Variants in NAAA observed in about 807,000 individuals in gnomAD.
NAAA encodes N-acylethanolamine-hydrolyzing acid amidase.
A neutral mutation model predicts 44.8 loss-of-function variants in NAAA; 39 were observed. The ratio of observed to expected loss-of-function variants is 0.87; its 90% confidence interval spans 0.67 to 1.14. The LOEUF is 1.14. NAAA is among the 50% of genes most tolerant of loss of function. The probability of loss-of-function intolerance (pLI) is 0.00; values close to 1 mark genes in which losing one functional copy is unlikely to be tolerated. For synonymous variants in NAAA, 178 were observed against 191.3 expected, an observed-to-expected ratio of 0.93 and a Z score of 0.58; for missense variants, 460 against 467.8, an observed-to-expected ratio of 0.98 and a Z score of 0.15.
At chr4:75,912,208 TCATGG>T (rs1383290939), downstream of NAAA, among the ~76,000 whole-genome samples, 1 of 152,220 alleles carries the variant, frequency 6.6e-6, no homozygotes, top group Admixed American at 6.5e-5. Context: ...TTTCCGAAGA[TCATGG>T]CATATTTTCA....
chr4:75,921,228 T>A, intron 5 of NAAA, 105 bp from the exon 6 acceptor site: 1 of 1,062,182 alleles, frequency 9.4e-7, no homozygotes, highest in African/African-American at 1.6e-5. Context: ...TGTTATGTCA[T>A]GACTATCACC....
intron 2 of NAAA, chr4:75,939,713 C>G (rs1366181700): frequency 1.9e-5 from 7 of 371,680 alleles, no homozygotes; most frequent in Non-Finnish European, 3.1e-5. Context: ...ACGCGCCCGG[C>G]CTTTGAGCAG....
At chr4:75,921,518 A>G (rs1249067657) in intron 5 of NAAA, among the ~76,000 whole-genome samples, 4 of 152,214 alleles carry the variant, frequency 2.6e-5, no homozygotes, top group Non-Finnish European at 5.9e-5. Context: ...AGAGCAGTGA[A>G]TGAGTCGCCT....
intron 4 of NAAA, among the ~76,000 whole-genome samples, chr4:75,926,371 G>A (rs12646951): frequency 1.3e-5 from 2 of 151,818 alleles, no homozygotes; most frequent in Non-Finnish European, 2.9e-5. Flanking sequence ...CACTAGCCTC[G>A]CCAACATGGT....
chr4:75,925,944 A>G, intron 4 of NAAA, 133 bp from the exon 5 acceptor site: 1 of 785,014 alleles, frequency 1.3e-6, no homozygotes, highest in South Asian at 1.7e-5. Context: ...TTGTACCAGG[A>G]TACAATGATA....
rs529560654 is a variant in NAAA, at chr4:75,923,188, G to A, written c.667-2065C>T. ...CTCCTGAGTGTCTGGGACTGCAGGC[G>A]AGCACCATCACACCCAGCAGATTCG... On this transcript the variant is annotated intron_variant, in intron 5 of 10. Coordinates refer to ENST00000286733, the MANE Select transcript of NAAA (RefSeq NM_014435.4). 1.4e-4 allele frequency among the ~76,000 whole-genome samples: 21 copies of A among 152,188 alleles called. No homozygotes were observed. In the East Asian group the frequency reaches 2.9e-3, roughly 21 times the overall value.
intron 9 of NAAA, 57 bp from the exon 10 acceptor site, chr4:75,915,042 G>A: frequency 7.7e-7 from 1 of 1,295,856 alleles, no homozygotes. Context: ...TGCCAGAAAG[G>A]GAAGAAAATG....
intron 2 of NAAA, among the ~76,000 whole-genome samples, chr4:75,937,170 C>T (rs1727803374): frequency 6.6e-6 from 1 of 152,136 alleles, no homozygotes; most frequent in Non-Finnish European, 1.5e-5. Context: ...CCTGTAATCC[C>T]AGCACTTTGG....
At chr4:75,923,348 A>T (rs537139178) in intron 5 of NAAA, among the ~76,000 whole-genome samples, 1 of 152,334 alleles carries the variant, frequency 6.6e-6, no homozygotes, top group East Asian at 1.9e-4. Context: ...GTCCTTGGCA[A>T]GGCTTCCTTT....
rs1288297212 is a variant in NAAA, at chr4:75,931,782, A to T, written c.499-478T>A. On this transcript the variant is annotated intron_variant, in intron 3 of 10. Transcript: ENST00000286733. ...ACTATTTAATGTGTTAAGAAAAAGT[A>T]TAACATTGAAATGGCTGTTTTCAAC... Among the ~76,000 whole-genome samples the T allele has an allele frequency of 2.6e-5, 4 of 152,260 alleles. No individual in the cohort carries two copies. The East Asian group carries it at 7.7e-4, about 29-fold the overall frequency.
chr4:75,925,921 A>C lies in NAAA; in HGVS notation c.590-110T>G. 4 of 1,016,346 alleles carry C rather than the reference A, an allele frequency of 3.9e-6. No individual in the cohort carries two copies. In the South Asian group the frequency reaches 5.7e-5, roughly 14 times the overall value. The allele number at this position is 1,016,346 out of a possible 1,614,324, so 63.0% of individuals were successfully genotyped here. A position where few individuals can be genotyped will look rare whatever the true frequency, so the allele number is the denominator to read the frequency against. ...TAGAGAGATATTCACTCAAGTTTTG[A>C]AAGCAGAATCTTTTGTACCAGGATA... On this transcript the variant is annotated intron_variant, in intron 4 of 10. Coordinates refer to ENST00000286733, the MANE Select transcript of NAAA (RefSeq NM_014435.4).
chr4:75,921,160 C>T, intron 5 of NAAA, 37 bp from the exon 6 acceptor site: 1 of 1,538,314 alleles, frequency 6.5e-7, no homozygotes, highest in Non-Finnish European at 8.7e-7. Flanking sequence ...GCAACCCCAC[C>T]TGCAGTTGGG....
Position 75,931,273 on chromosome 4 carries a change from T to C in NAAA, c.530A>G (p.Tyr177Cys). 6.2e-7 allele frequency: 1 copy of C among 1,612,174 alleles called. No individual in the cohort carries two copies. Among genetic ancestry groups the C allele is most frequent in the Non-Finnish European group, 8.5e-7 (1 of 1,178,442 alleles). The change falls in exon 4 of 11, where the codon TAT becomes TGT. Residue 177 changes from tyrosine (Y) to cysteine (C), a missense_variant. Physicochemically the swap from Tyr to Cys is radical, Grantham distance 194 (BLOSUM62 -2). Coordinates refer to ENST00000286733, the MANE Select transcript of NAAA (RefSeq NM_014435.4). ...IAFTGTTFIGYVGLWTGQSPH... is the reference protein window; with the variant it reads ...IAFTGTTFIGCVGLWTGQSPH... ...GCTCTGGCCAGTCCATAATCCTACATAGCCAATAAAAGTAGTTCCTGTGAA... is the reference window on the plus strand; with the variant it reads ...GCTCTGGCCAGTCCATAATCCTACACAGCCAATAAAAGTAGTTCCTGTGAA...
At chr4:75,915,919 T>C (rs1489591065) in intron 9 of NAAA, among the ~76,000 whole-genome samples, 1 of 152,202 alleles carries the variant, frequency 6.6e-6, no homozygotes, top group Non-Finnish European at 1.5e-5. Context: ...GTGCAAAATA[T>C]CGGAGCTGGG....
chr4:75,932,693 A>G (rs1179073344), intron 3 of NAAA, among the ~76,000 whole-genome samples: 1 of 151,916 alleles, frequency 6.6e-6, no homozygotes, highest in Non-Finnish European at 1.5e-5. Flanking sequence ...TCCTAAAGAC[A>G]GGGTCTCCCT....
At chr4:75,929,755 A>G (rs904433460) in intron 4 of NAAA, among the ~76,000 whole-genome samples, 1 of 152,188 alleles carries the variant, frequency 6.6e-6, no homozygotes, top group African/African-American at 2.4e-5. Flanking sequence ...ATACTCAATC[A>G]CCATCTTCCT....
At position 75,914,988 on chromosome 4, in the gene NAAA, G is replaced by A. The variant is rs201832057; in HGVS notation, c.999-3C>T. 1,762 of 1,594,494 alleles carry A rather than the reference G, an allele frequency of 1.1e-3. 13 individuals are homozygous for A. The highest frequency in any genetic ancestry group is 6.8e-3 in the South Asian group (613 of 90,662). ...TTACCGTAGTATAAATTGTGAAGCTGAAAATTATGAGGAAATTTTATGTAC... is the reference window on the plus strand; with the variant it reads ...TTACCGTAGTATAAATTGTGAAGCTAAAAATTATGAGGAAATTTTATGTAC... On this transcript the variant is annotated splice_region_variant and splice_polypyrimidine_tract_variant and intron_variant, in intron 9 of 10. Transcript: ENST00000286733.
intron 3 of NAAA, among the ~76,000 whole-genome samples, chr4:75,932,402 T>A (rs1425952106): frequency 6.6e-6 from 1 of 152,216 alleles, no homozygotes; most frequent in Non-Finnish European, 1.5e-5. Flanking sequence ...TTTCATTTAA[T>A]CCTCACAACT....
intron 7 of NAAA, among the ~76,000 whole-genome samples, chr4:75,920,499 G>A (rs76581452): frequency 0.023 from 3,442 of 152,194 alleles, 128 homozygotes; most frequent in African/African-American, 0.078. Flanking sequence ...AGCTGGTGGT[G>A]GGCTCTAGGG....
Sources: allele counts gnomAD v4.1 joint callset (sites outside exome capture counted in the v4.1 genomes callset), GRCh38; gene constraint gnomAD v4.1.1; transcripts MANE v1.5; gene names NCBI Gene and HGNC (gene_info 2026-07-23, HGNC 2026-07-21).